ZNF532: variants seen among roughly 807,000 people sequenced by gnomAD.
ZNF532 encodes zinc finger protein 532.
A neutral mutation model predicts 89.3 loss-of-function variants in ZNF532; 22 were observed. That is an observed-to-expected ratio of 0.25 (90% confidence interval 0.18 to 0.35). The LOEUF (loss-of-function observed/expected upper bound fraction) is 0.35, where lower values mean the gene tolerates loss of function less well. Among genes scored for constraint, ZNF532 ranks in the 10% least tolerant of loss-of-function variants. The pLI is 1.00. For synonymous variants in ZNF532, 606 were observed against 649.6 expected (o/e 0.93, Z 1.02); for missense variants, 1,132 against 1,643.4 (o/e 0.69, Z 5.38).
intron 2 of ZNF532, among the ~76,000 whole-genome samples, chr18:58,890,247 G>C (rs2058789226): frequency 1.3e-5 from 2 of 151,430 alleles, no homozygotes; most frequent in South Asian, 4.2e-4. Context: ...ATATATATAT[G>C]AGTTATATAT....
At chr18:58,978,950 G>GGGACCTGTAA (rs1157380948) in intron 7 of ZNF532, 105 bp from the exon 8 acceptor site, 1 of 883,282 alleles carries the variant, frequency 1.1e-6, no homozygotes, top group African/African-American at 1.7e-5. Context: ...TTTGGATTTG[G>GGGACCTGTAA]GGACCTGTAA....
At chr18:58,867,069 CAACTA>C (rs1389287211) in intron 2 of ZNF532, among the ~76,000 whole-genome samples, 4 of 152,390 alleles carry the variant, frequency 2.6e-5, no homozygotes, top group African/African-American at 9.6e-5. Context: ...TTTCTGATGT[CAACTA>C]AAACTCAGAT....
intron 2 of ZNF532, among the ~76,000 whole-genome samples, chr18:58,902,233 C>T (rs1009519802): frequency 2.0e-5 from 3 of 151,946 alleles, no homozygotes; most frequent in Admixed American, 6.6e-5. Flanking sequence ...CAGGGTTAGA[C>T]GGGGGCGGTT....
intron 2 of ZNF532, among the ~76,000 whole-genome samples, chr18:58,887,887 C>G (rs567752543): frequency 6.6e-6 from 1 of 152,132 alleles, no homozygotes; most frequent in African/African-American, 2.4e-5. Context: ...CTGCGTCCCC[C>G]GGGGCAGAGG....
At chr18:58,886,804 G>C (rs1014267093) in intron 2 of ZNF532, among the ~76,000 whole-genome samples, 46 of 152,228 alleles carry the variant, frequency 3.0e-4, no homozygotes, top group African/African-American at 1.0e-3. Context: ...TCCAGATATA[G>C]CACATAGAGG....
chr18:58,951,709 G>A (rs939030678), intron 6 of ZNF532, among the ~76,000 whole-genome samples: 2 of 141,542 alleles, frequency 1.4e-5, no homozygotes, highest in African/African-American at 5.3e-5. Context: ...GAGTGCAGTG[G>A]GGAGATCTCT....
At chr18:58,930,413 G>C (rs1024336752) in intron 3 of ZNF532, among the ~76,000 whole-genome samples, 2 of 152,128 alleles carry the variant, frequency 1.3e-5, no homozygotes, top group Admixed American at 1.3e-4. Context: ...GATTGCCTGA[G>C]CTCAGGAGTT....
At chr18:58,969,902 C>G (rs1287991072) in intron 7 of ZNF532, among the ~76,000 whole-genome samples, 5 of 127,410 alleles carry the variant, frequency 3.9e-5, no homozygotes, top group African/African-American at 1.6e-4. Flanking sequence ...TTTTTTGCCC[C>G]GAGATGGAGT....
intron 2 of ZNF532, among the ~76,000 whole-genome samples, chr18:58,884,712 C>T (rs1467549404): frequency 6.6e-6 from 1 of 152,148 alleles, no homozygotes; most frequent in African/African-American, 2.4e-5. Flanking sequence ...TACTAGTATT[C>T]ACACAGATAA....
chr18:58,975,516 G>A (rs2066945126), intron 7 of ZNF532, among the ~76,000 whole-genome samples: 1 of 152,218 alleles, frequency 6.6e-6, no homozygotes, highest in Non-Finnish European at 1.5e-5. Context: ...ACCGAGACAC[G>A]TCCACCAAGT....
Position 58,934,340 on chromosome 18 carries a change from G to A in ZNF532, c.2347-93G>A, listed in dbSNP as rs1333573594. On this transcript the variant is annotated intron_variant, in intron 3 of 9. Coordinates refer to ENST00000591808, the MANE Select transcript of ZNF532 (RefSeq NM_001375912.1). Reference sequence around the variant, plus strand: ...AATTACTGTAGTGTTTGAAATGAAGGATGTATAATTATCTGGAGGTTTAAC... The same window carrying A: ...AATTACTGTAGTGTTTGAAATGAAGAATGTATAATTATCTGGAGGTTTAAC... The A allele has an allele frequency of 3.5e-6, 4 of 1,150,024 alleles. No homozygotes were observed. In the African/African-American group the frequency reaches 4.6e-5, roughly 13 times the overall value. 71.2% of individuals were successfully genotyped at this position (1,150,024 alleles called of 1,614,324 possible).
chr18:58,926,849 T>C (rs1184373807), intron 3 of ZNF532, among the ~76,000 whole-genome samples: 1 of 152,270 alleles, frequency 6.6e-6, no homozygotes, highest in Non-Finnish European at 1.5e-5. Context: ...TTTTCAGATA[T>C]CAAAATAGCC....
intron 7 of ZNF532, among the ~76,000 whole-genome samples, chr18:58,954,626 T>A (rs560268469): frequency 6.6e-6 from 1 of 152,156 alleles, no homozygotes; most frequent in East Asian, 1.9e-4. Context: ...TATATATAGG[T>A]TGTCCCTCAC....
chr18:58,965,248 C>A (rs145105127), intron 7 of ZNF532, among the ~76,000 whole-genome samples: 1 of 151,978 alleles, frequency 6.6e-6, no homozygotes, highest in African/African-American at 2.4e-5. Flanking sequence ...AATTGGAAGG[C>A]GGGGTGTTAA....
rs531210422 is a variant in ZNF532, at chr18:58,953,635, T to G, written c.2986T>G (p.Ser996Ala). ...SANQNKEDTK[S>A]MNGKEKLEKK... ...AAATCAGAACAAAGAGGACACCAAA[T>G]CCATGAATGGGAAAGAGAAATTGGA... Residue 996 changes from serine to alanine, a missense_variant, in exon 7 of 10, where the codon TCC becomes GCC. Transcript: ENST00000591808. 1.9e-6 allele frequency: 3 copies of G among 1,613,954 alleles called. No homozygotes were observed. The highest frequency in any genetic ancestry group is 3.3e-5 in the Admixed American group (2 of 60,012).
chr18:58,949,519 T>G (rs897233431), intron 6 of ZNF532, among the ~76,000 whole-genome samples: 2 of 152,080 alleles, frequency 1.3e-5, no homozygotes, highest in Non-Finnish European at 2.9e-5. Flanking sequence ...CTACTAAAAA[T>G]ACAAAAATCA....
intron 7 of ZNF532, among the ~76,000 whole-genome samples, chr18:58,973,837 C>T (rs1405587735): frequency 6.6e-6 from 1 of 152,058 alleles, no homozygotes; most frequent in Non-Finnish European, 1.5e-5. Flanking sequence ...GACCCAACAG[C>T]GTGGAGGAAT....
chr18:58,917,316 A>G (rs958618298), intron 2 of ZNF532, among the ~76,000 whole-genome samples: 2 of 152,190 alleles, frequency 1.3e-5, no homozygotes, highest in African/African-American at 4.8e-5. Context: ...TTATGCTAGA[A>G]AGATGAGTGA....
At chr18:58,975,688 A>G (rs868638350) in intron 7 of ZNF532, among the ~76,000 whole-genome samples, 1 of 152,254 alleles carries the variant, frequency 6.6e-6, no homozygotes, top group Admixed American at 6.5e-5. Flanking sequence ...CGGGAGGAAG[A>G]AAGTTTAGGA....
Sources: gnomAD v4.1 joint callset for allele counts (sites outside exome capture counted in the v4.1 genomes callset) on GRCh38, gnomAD v4.1.1 for gene constraint, MANE v1.5 for transcripts, NCBI Gene and HGNC (gene_info 2026-07-23, HGNC 2026-07-21) for gene names.